Variants in DIP2C observed in about 807,000 individuals in gnomAD.
DIP2C encodes the protein disco-interacting protein 2 homolog C.
A neutral mutation model predicts 192.4 loss-of-function variants in DIP2C; 33 were observed. The ratio of observed to expected loss-of-function variants is 0.17; its 90% CI spans 0.13 to 0.23. The LOEUF (loss-of-function observed/expected upper bound fraction) is 0.23, where lower values mean the gene tolerates loss of function less well. Among genes scored for constraint, DIP2C ranks in the 10% least tolerant of loss-of-function variants. The probability of loss-of-function intolerance (pLI) is 1.00; values close to 1 mark genes in which losing one functional copy is unlikely to be tolerated. For missense variants in DIP2C, 1,537 were observed against 2,110.1 expected (o/e 0.73, Z 5.32); for synonymous variants, 979 against 864.1 (o/e 1.13, Z -2.33).
At chr10:372,040 T>C (rs1035993051) in intron 17 of DIP2C, among the ~76,000 whole-genome samples, 4 of 151,796 alleles carry the variant, frequency 2.6e-5, no homozygotes, top group Non-Finnish European at 5.9e-5. Context: ...CAAAAACGTA[T>C]GTTTTATTGT....
At chr10:314,386 C>T (rs1015881658) in intron 31 of DIP2C, among the ~76,000 whole-genome samples, 7 of 152,218 alleles carry the variant, frequency 4.6e-5, no homozygotes, top group African/African-American at 1.7e-4. Flanking sequence ...TCTTTCCTGA[C>T]CCCTCTGAAG....
At chr10:678,641 G>C in intron 1 of DIP2C, among the ~76,000 whole-genome samples, 1 of 66,102 alleles carries the variant, frequency 1.5e-5, no homozygotes, top group Admixed American at 1.7e-4. Flanking sequence ...CCATGTCCAT[G>C]CTCCCCGCAC....
At chr10:361,709 AG>A (rs1959537085) in intron 22 of DIP2C, among the ~76,000 whole-genome samples, 1 of 152,172 alleles carries the variant, frequency 6.6e-6, no homozygotes, top group African/African-American at 2.4e-5. Flanking sequence ...CTACAGAAAC[AG>A]CCTGGGGAGA....
chr10:333,998 C>A (rs1957627079), intron 29 of DIP2C, among the ~76,000 whole-genome samples: 1 of 152,034 alleles, frequency 6.6e-6, no homozygotes, highest in Non-Finnish European at 1.5e-5. Context: ...TTGCTTGTTT[C>A]TGAGTTTTGA....
chr10:465,801 G>C (rs1021777601), intron 3 of DIP2C, among the ~76,000 whole-genome samples: 18 of 151,096 alleles, frequency 1.2e-4, no homozygotes, highest in Admixed American at 2.6e-4. Flanking sequence ...GCTTCAAAGA[G>C]AATAAAATAC....
At chr10:319,716 G>A (rs1448677048) in intron 31 of DIP2C, among the ~76,000 whole-genome samples, 1 of 152,192 alleles carries the variant, frequency 6.6e-6, no homozygotes, top group Admixed American at 6.5e-5. Context: ...CATAAATTTA[G>A]TAAATTGAAA....
chr10:278,409 T>TATG (rs1285887451), intron 36 of DIP2C, among the ~76,000 whole-genome samples: 1 of 152,210 alleles, frequency 6.6e-6, no homozygotes, highest in Non-Finnish European at 1.5e-5. Flanking sequence ...GAGGGCTGGA[T>TATG]ATGGGGGCTT....
chr10:618,764 C>T (rs1219027276), intron 1 of DIP2C, among the ~76,000 whole-genome samples: 1 of 152,138 alleles, frequency 6.6e-6, no homozygotes, highest in Non-Finnish European at 1.5e-5. Flanking sequence ...CCCGTGACCT[C>T]GGTCCACACA....
chr10:581,029 T>C (rs749391238), intron 1 of DIP2C, among the ~76,000 whole-genome samples: 302 of 152,354 alleles, frequency 2.0e-3, no homozygotes, highest in Middle Eastern at 0.01. Flanking sequence ...ATTATTCATT[T>C]TCTGGTGAGA....
chr10:379,146 A>G (rs979356781), intron 17 of DIP2C, among the ~76,000 whole-genome samples: 1 of 129,012 alleles, frequency 7.8e-6, no homozygotes, highest in African/African-American at 3.1e-5. Flanking sequence ...CTGCTCCCAC[A>G]TACCCATCGC....
chr10:581,485 A>AT (rs1030703190), intron 1 of DIP2C, among the ~76,000 whole-genome samples: 1 of 152,246 alleles, frequency 6.6e-6, no homozygotes, highest in Non-Finnish European at 1.5e-5. Context: ...ATATTTGAAG[A>AT]TTTTTAAGTT....
intron 18 of DIP2C, 108 bp downstream of exon 18, chr10:369,386 A>C: frequency 7.3e-7 from 1 of 1,378,636 alleles, no homozygotes; most frequent in Non-Finnish European, 9.6e-7. Context: ...TCTCAGCCTG[A>C]GGGCACACCA....
At chr10:335,610 T>C (rs980279658) in intron 29 of DIP2C, among the ~76,000 whole-genome samples, 6 of 152,344 alleles carry the variant, frequency 3.9e-5, no homozygotes, top group Admixed American at 3.9e-4. Context: ...GTCCCCTAAC[T>C]TGGGGGCTGG....
intron 9 of DIP2C, among the ~76,000 whole-genome samples, chr10:408,317 AGTACC>A (rs1964955464): frequency 6.6e-6 from 1 of 152,172 alleles, no homozygotes; most frequent in Non-Finnish European, 1.5e-5. Flanking sequence ...TCTCTAAGCC[AGTACC>A]ACATTGTTGT....
intron 1 of DIP2C, among the ~76,000 whole-genome samples, chr10:567,647 GTT>G (rs1332286024): frequency 6.6e-6 from 1 of 152,154 alleles, no homozygotes; most frequent in East Asian, 1.9e-4. Context: ...GAAAAGTTTG[GTT>G]TTGTTTTTCT....
In DIP2C at chr10:424,758, G is replaced by T. The variant is rs139834040; in HGVS notation, c.395-1725C>A. ...AGAAAGGTACACACCCAGGTGTCCA[G>T]AAGGAGCACAACCATCTCCCCAGAA... On this transcript the variant is annotated intron_variant, in intron 4 of 36. Transcript: ENST00000280886. 6.0e-3 allele frequency among the ~76,000 whole-genome samples: 908 copies of T among 152,300 alleles called. 3 individuals are homozygous for T. The highest frequency in any genetic ancestry group is 0.013 in the East Asian group (70 of 5,188).
rs543254686 is a variant in DIP2C, at chr10:689,146, C to G, written c.85+348G>C. On this transcript the variant is annotated intron_variant, in intron 1 of 36. Coordinates refer to ENST00000280886, the MANE Select transcript of DIP2C (RefSeq NM_014974.3). This position sits in a 1 kb window ranked among gnomAD's most constrained non-coding sequence, Gnocchi z 6.1. ...CGCGGCGCCCAGGCCCCACAGACAC[C>G]CCCAGGGCGCGGGGGGATCGCGGCC... 2.6e-5 allele frequency among the ~76,000 whole-genome samples: 4 copies of G among 151,942 alleles called. No individual in the cohort carries two copies. In the South Asian group the frequency reaches 8.3e-4, roughly 32 times the overall value.
rs113264660 is a variant in DIP2C at position 288,252 on chromosome 10, A to G, written c.4044+112T>C. 1.3e-3 allele frequency: 1,372 copies of G among 1,078,894 alleles called. 17 individuals carry two copies. Among genetic ancestry groups the G allele is most frequent in the East Asian group, 0.012 (499 of 41,342 alleles). The allele number at this position is 1,078,894 out of a possible 1,614,324, so 66.8% of individuals were successfully genotyped here. ...TATACTCACTGATATGTTACTTTCA[A>G]GAAATTGTTTTGGAAAAAACATTCT... On this transcript the variant is annotated intron_variant, in intron 33 of 36. Transcript: ENST00000280886.
At chr10:578,864 C>A (rs1195053866) in intron 1 of DIP2C, among the ~76,000 whole-genome samples, 6 of 152,092 alleles carry the variant, frequency 3.9e-5, no homozygotes, top group Non-Finnish European at 7.3e-5. Context: ...CATAGGTACA[C>A]TAACACACAT....
Sources: gnomAD v4.1 joint callset for allele counts (sites outside exome capture counted in the v4.1 genomes callset) on GRCh38, gnomAD v4.1.1 for gene constraint, Gnocchi (gnomAD v3.1) non-coding constraint, MANE v1.5 for transcripts, NCBI Gene and HGNC (gene_info 2026-07-23, HGNC 2026-07-21) for gene names.